The following LMF1 variants were observed in gnomAD, a reference collection of about 807,000 sequenced individuals.
LMF1 encodes the protein transmembrane protein 112.
LMF1 carries 68 observed loss-of-function variants against 60.6 expected under a neutral mutation model. That is an observed-to-expected ratio of 1.12 (90% confidence interval 0.92 to 1.37). LMF1 has a LOEUF of 1.37. LMF1 is among the 40% of genes most tolerant of loss of function. The probability of loss-of-function intolerance (pLI) is 0.00; values close to 1 mark genes in which losing one functional copy is unlikely to be tolerated. For synonymous variants in LMF1, 418 were observed against 324.7 expected, an observed-to-expected ratio of 1.29 and a Z score of -3.09; for missense variants, 948 against 767.2, an observed-to-expected ratio of 1.24 and a Z score of -2.78.
chr16:960,508 A>G (rs77738994), intron 1 of LMF1, among the ~76,000 whole-genome samples: 1,779 of 112,532 alleles, frequency 0.016, 98 homozygotes, highest in South Asian at 0.094. Context: ...ACTGGATCAC[A>G]ACCCAGACAC....
intron 1 of LMF1, chr16:976,981 G>A (rs768484114): frequency 1.5e-5 from 7 of 453,720 alleles, no homozygotes; most frequent in South Asian, 3.1e-5. Context: ...GGAAATGCTC[G>A]TCCTCCGTGG....
In LMF1 at chr16:897,922, C is replaced by T. The variant is rs1020858760; in HGVS notation, c.664-4850G>A. On this transcript the variant is annotated intron_variant, in intron 4 of 10. Transcript: ENST00000262301. This position sits in a 1 kb window ranked among gnomAD's most constrained non-coding sequence, Gnocchi z 4.3. ...CCGCCCCCGAGTGCTTCAGCTCACG[C>T]AGACTTCCTTGTGGCACAGCTGCAC... 6.6e-6 allele frequency among the ~76,000 whole-genome samples: 1 copy of T among 152,268 alleles called. No individual in the cohort carries two copies. The highest frequency in any genetic ancestry group is 6.5e-5 in the Admixed American group (1 of 15,292).
At chr16:907,677 A>T (rs1011600653) in intron 4 of LMF1, among the ~76,000 whole-genome samples, 23 of 152,128 alleles carry the variant, frequency 1.5e-4, no homozygotes, top group Non-Finnish European at 1.6e-4. Flanking sequence ...CAAGTGCGCG[A>T]GCGGGGGAAG....
In LMF1 at chr16:954,450, G is replaced by A. The variant is rs549008037; in HGVS notation, c.410C>T (p.Ser137Leu). The change falls in exon 2 of 11, where the codon TCG (serine) becomes TTG (leucine). Residue 137 changes from serine (S) to leucine (L), a missense_variant. Ser to Leu is a moderately radical substitution (Grantham distance 145, BLOSUM62 -2). Transcript: ENST00000262301. ...DLLALLGLGISSFVLITGCAN... is the reference protein window; with the variant it reads ...DLLALLGLGILSFVLITGCAN... The stretch of plus-strand genomic sequence containing the variant: ...GCAGCCCGTGATCAGTACGAAAGAC[G>A]AGATGCCCAGTCCGAGAAGAGCCAG... 2.2e-5 allele frequency: 35 copies of A among 1,612,908 alleles called. No homozygotes were observed. The highest frequency in any genetic ancestry group is 4.5e-5 in the East Asian group (2 of 44,852).
At chr16:939,501 C>A (rs994536250) in intron 2 of LMF1, among the ~76,000 whole-genome samples, 1 of 152,270 alleles carries the variant, frequency 6.6e-6, no homozygotes, top group African/African-American at 2.4e-5. Context: ...CTGTGGCCAC[C>A]ACACGTGCCG....
At chr16:913,546 G>GC (rs2071182591) in intron 3 of LMF1, among the ~76,000 whole-genome samples, 1 of 152,212 alleles carries the variant, frequency 6.6e-6, no homozygotes, top group South Asian at 2.1e-4. Flanking sequence ...AAATGCAGGT[G>GC]CCCCAGCACC....
chr16:899,717 G>T (rs2070757003), intron 4 of LMF1: 1 of 152,252 alleles, frequency 6.6e-6, no homozygotes, highest in Non-Finnish European at 1.5e-5. Flanking sequence ...CCTCCCATGG[G>T]CTGCGGACCC....
Position 854,263 on chromosome 16 carries a change from G to C in LMF1, c.*269C>G. 1.5e-6 allele frequency: 1 copy of C among 656,806 alleles called. No homozygotes were observed. The highest frequency in any genetic ancestry group is 2.8e-6 in the Non-Finnish European group (1 of 356,914). The allele number at this position is 656,806 out of a possible 1,614,324, so 40.7% of individuals were successfully genotyped here. The stretch of plus-strand genomic sequence containing the variant: ...GCACAGCCCCAGGCTGGGCCTCTGG[G>C]AGGAGGGTGGGATGGATGGGAGATC... On this transcript the variant is annotated 3_prime_UTR_variant, in exon 11 of 11. Coordinates refer to ENST00000262301, the MANE Select transcript of LMF1 (RefSeq NM_022773.4).
intron 1 of LMF1, chr16:979,314 C>G (rs989193050): frequency 1.1e-5 from 4 of 355,976 alleles, no homozygotes; most frequent in African/African-American, 6.4e-5. Context: ...CATGGGGATC[C>G]TCACCCACAT....
intron 4 of LMF1, among the ~76,000 whole-genome samples, chr16:894,779 G>A (rs1317081183): frequency 3.3e-5 from 5 of 152,338 alleles, no homozygotes; most frequent in African/African-American, 1.2e-4. Flanking sequence ...CGTAATGGCC[G>A]CCTCCCATCA....
Position 893,317 on chromosome 16 carries a change from C to CT in LMF1, c.664-246dup, listed in dbSNP as rs11404654. 210,775 of 614,170 alleles carry CT rather than the reference C, an allele frequency of 0.34. 39,774 individuals carry two copies. The highest frequency in any genetic ancestry group is 0.54 in the African/African-American group (29,528 of 54,770). The allele number at this position is 614,170 out of a possible 1,614,324, so 38.0% of individuals were successfully genotyped here. On this transcript the variant is annotated intron_variant, in intron 4 of 10. Coordinates refer to ENST00000262301, the MANE Select transcript of LMF1 (RefSeq NM_022773.4). ...CGCGGGCGTGAGCAACAGTGGCTTC[C>CT]TTTGCGCCTTCCCCAACACTCATTC...
intron 4 of LMF1, 117 bp downstream of exon 4, chr16:910,814 A>C: frequency 7.5e-7 from 1 of 1,332,918 alleles, no homozygotes. Context: ...GGCCAGGCCG[A>C]CAGGAGGACA....
intron 1 of LMF1, among the ~76,000 whole-genome samples, chr16:964,744 T>A (rs546006781): frequency 1.3e-5 from 2 of 152,326 alleles, no homozygotes; most frequent in Admixed American, 1.3e-4. Flanking sequence ...CAAATACGGG[T>A]GCAAACGATT....
chr16:895,171 G>T (rs559734990), intron 4 of LMF1, among the ~76,000 whole-genome samples: 1 of 152,148 alleles, frequency 6.6e-6, no homozygotes, highest in African/African-American at 2.4e-5. Context: ...GAGGCCTGCC[G>T]GGGCCATCAG....
chr16:943,531 GC>G (rs1198898920), intron 2 of LMF1, among the ~76,000 whole-genome samples: 5 of 151,988 alleles, frequency 3.3e-5, no homozygotes, highest in African/African-American at 1.2e-4. Context: ...TTTGAGACCA[GC>G]CTGGCCAACA....
chr16:930,338 TAG>T (rs1567261926), intron 3 of LMF1, among the ~76,000 whole-genome samples: 2 of 151,948 alleles, frequency 1.3e-5, no homozygotes, highest in Non-Finnish European at 2.9e-5. Context: ...CTTACAACAG[TAG>T]AGAGATGTGA....
At chr16:893,113 TG>T in intron 4 of LMF1, 41 bp from the exon 5 acceptor site, 1 of 1,517,130 alleles carries the variant, frequency 6.6e-7, no homozygotes, top group Non-Finnish European at 9.0e-7. Context: ...TCACAGGGGC[TG>T]GGGATGCGGC....
At chr16:953,964 GC>G (rs1567311948) in intron 2 of LMF1, among the ~76,000 whole-genome samples, 1,524 of 53,860 alleles carry the variant, frequency 0.028, 539 homozygotes, top group Admixed American at 0.038. Flanking sequence ...CCCCAAACCA[GC>G]CTCCTACATG....
rs1555444927 is a variant in LMF1, at chr16:871,264, G to GTCA, written c.972_974dup (p.Asp325dup). On this transcript the variant is annotated inframe_insertion, in exon 7 of 11. Coordinates refer to ENST00000262301, the MANE Select transcript of LMF1 (RefSeq NM_022773.4). ...AGGGGAACAAGAATCCCAGGGTGGC[G>GTCA]TCATCAAAGCAGGCCAGGCTGGGCA... 3 of 1,612,432 alleles carry GTCA rather than the reference G, an allele frequency of 1.9e-6. No individual in the cohort carries two copies. The highest frequency in any genetic ancestry group is 2.5e-6 in the Non-Finnish European group (3 of 1,179,818).
Sources: gnomAD v4.1 joint callset for allele counts (sites outside exome capture counted in the v4.1 genomes callset) on GRCh38, gnomAD v4.1.1 for gene constraint, Gnocchi (gnomAD v3.1) non-coding constraint, MANE v1.5 for transcripts, NCBI Gene and HGNC (gene_info 2026-07-23, HGNC 2026-07-21) for gene names.